The following GRM4 variants were observed in gnomAD, a reference collection of about 807,000 sequenced individuals.
The protein encoded by GRM4 is glutamate metabotropic receptor 4.
In GRM4, 28 loss-of-function variants were observed where a neutral mutation model predicts 81.7. That is an observed-to-expected ratio of 0.34 (90% confidence interval 0.25 to 0.47). The LOEUF is 0.47. Ranked by LOEUF, GRM4 falls within the 20% of genes least tolerant of loss-of-function variation. The pLI, the probability that GRM4 is intolerant of heterozygous loss-of-function variation, is 1.00. For synonymous variants in GRM4, 488 were observed against 528.8 expected (o/e 0.92, Z 1.06); for missense variants, 948 against 1,290.0 (o/e 0.73, Z 4.06).
chr6:34,110,187 G>A (rs1246033763), intron 2 of GRM4, among the ~76,000 whole-genome samples: 1 of 151,966 alleles, frequency 6.6e-6, no homozygotes, highest in African/African-American at 2.4e-5. Flanking sequence ...CCAGCTACTC[G>A]GGAAGCTGAG....
chr6:34,044,511 C>CACAG (rs1260477059), intron 6 of GRM4, among the ~76,000 whole-genome samples: 1 of 151,214 alleles, frequency 6.6e-6, no homozygotes, highest in Admixed American at 6.6e-5. Context: ...CACATACACA[C>CACAG]ACAGACATAC....
At chr6:34,040,777 C>T (rs758226279) in intron 6 of GRM4, 29 bp from the exon 7 acceptor site, 4 of 1,575,522 alleles carry the variant, frequency 2.5e-6, no homozygotes, top group Non-Finnish European at 3.5e-6. Flanking sequence ...AACAGGGACA[C>T]TCGTGAGGCC....
chr6:34,102,620 CA>C (rs1768901631), intron 2 of GRM4, among the ~76,000 whole-genome samples: 1 of 152,220 alleles, frequency 6.6e-6, no homozygotes, highest in Non-Finnish European at 1.5e-5. Flanking sequence ...ATTTTCTGCA[CA>C]ATGATCACCT....
intron 8 of GRM4, among the ~76,000 whole-genome samples, chr6:34,038,031 C>A (rs2499672): frequency 0.37 from 56,382 of 152,120 alleles, 13,936 homozygotes; most frequent in African/African-American, 0.71. Context: ...GGACAAGTGC[C>A]ACCTGTCCTG....
chr6:34,057,037 T>C (rs1315704510), intron 5 of GRM4, among the ~76,000 whole-genome samples: 2 of 152,090 alleles, frequency 1.3e-5, no homozygotes, highest in Non-Finnish European at 2.9e-5. Flanking sequence ...CTGGTGGGGC[T>C]GCCCAACCCG....
intron 3 of GRM4, among the ~76,000 whole-genome samples, chr6:34,079,522 A>G (rs1767476323): frequency 6.7e-6 from 1 of 150,146 alleles, no homozygotes; most frequent in South Asian, 2.1e-4. Context: ...ATAAACATGT[A>G]TATAGCTAAA....
rs1032693649 is a variant in GRM4, at chr6:34,042,918, G to T, written c.1169-2170C>A. ...GGGATGGGGGATAGCTGGCCTGGTC[G>T]CTCATTAACCCTGCCAGCCAGAACC... On this transcript the variant is annotated intron_variant, in intron 6 of 10. Coordinates refer to ENST00000538487, the MANE Select transcript of GRM4 (RefSeq NM_000841.4). This position sits in a 1 kb window ranked among gnomAD's most constrained non-coding sequence, Gnocchi z 4.2. Among the ~76,000 whole-genome samples the T allele has an allele frequency of 2.0e-5, 3 of 152,162 alleles. No individual in the cohort carries two copies. In the East Asian group the frequency reaches 5.8e-4, roughly 29 times the overall value.
intron 2 of GRM4, among the ~76,000 whole-genome samples, chr6:34,119,710 C>T (rs565099350): frequency 6.6e-6 from 1 of 152,346 alleles, no homozygotes; most frequent in African/African-American, 2.4e-5. Flanking sequence ...ACCTAATGTC[C>T]ATCATGAGGA....
chr6:34,152,548 G>A lies in GRM4; in HGVS notation c.312+2531C>T, dbSNP rs186650775. ...CCCCTTGTCCTCCTCCTCCTCTTCAGCTTTCTCCCTCTCTTCCTGTACCCA... is the reference window on the plus strand; with the variant it reads ...CCCCTTGTCCTCCTCCTCCTCTTCAACTTTCTCCCTCTCTTCCTGTACCCA... On this transcript the variant is annotated intron_variant, in intron 1 of 8. Coordinates refer to the GRM4 transcript ENST00000374177. This position sits in a 1 kb window ranked among gnomAD's most constrained non-coding sequence, Gnocchi z 4.1. 1.3e-5 allele frequency among the ~76,000 whole-genome samples: 2 copies of A among 152,128 alleles called. No homozygotes were observed. The highest frequency in any genetic ancestry group is 1.3e-4 in the Admixed American group (2 of 15,272).
rs573046352 is a variant in GRM4, at chr6:34,142,712, GCT to G, written c.-364+3286_-364+3287del. Among the ~76,000 whole-genome samples, 372 of 152,334 alleles carry G rather than the reference GCT, an allele frequency of 2.4e-3. 1 individual carries two copies. The highest frequency in any genetic ancestry group is 4.7e-3 in the Non-Finnish European group (320 of 68,022). On this transcript the variant is annotated intron_variant, in intron 1 of 10. Coordinates refer to ENST00000538487, the MANE Select transcript of GRM4 (RefSeq NM_000841.4). ...GTTTCACTCGATCGCTCACCCGCTC[GCT>G]CTCTCACCTACCTCGGGCTGCCTGC...
chr6:34,061,803 G>T, intron 4 of GRM4, 90 bp downstream of exon 4: 1 of 1,401,544 alleles, frequency 7.1e-7, no homozygotes, highest in Non-Finnish European at 9.9e-7. Flanking sequence ...GGTCAGGCTC[G>T]CCTGGGAAGG....
chr6:34,063,113 C>A (rs1766268808), intron 3 of GRM4: 1 of 152,310 alleles, frequency 6.6e-6, no homozygotes, highest in African/African-American at 2.4e-5. Context: ...CCTCTGGGTC[C>A]CACTCAACTC....
At chr6:34,146,762 T>C (rs1770942979), upstream of GRM4, among the ~76,000 whole-genome samples, 1 of 152,172 alleles carries the variant, frequency 6.6e-6, no homozygotes. Flanking sequence ...AAGTGCTACC[T>C]TGTGCTTGAC....
In GRM4 at chr6:34,019,193, A is replaced by G. The variant is rs1039808451; in HGVS notation, c.*3628T>C. The G allele has an allele frequency of 6.6e-6, 1 of 152,350 alleles. No homozygotes were observed. The allele number at this position is 152,350 out of a possible 1,614,324, so 9.4% of individuals were successfully genotyped here. ...GAAGTAAGGATGGGAGGGGCAGACCATAAGACATTAGAGCTCAGAACAGCC... is the reference window on the plus strand; with the variant it reads ...GAAGTAAGGATGGGAGGGGCAGACCGTAAGACATTAGAGCTCAGAACAGCC... On this transcript the variant is annotated 3_prime_UTR_variant, in exon 11 of 11. Coordinates refer to ENST00000538487, the MANE Select transcript of GRM4 (RefSeq NM_000841.4).
At chr6:34,140,100 G>C (rs958054523) in intron 1 of GRM4, among the ~76,000 whole-genome samples, 1 of 152,254 alleles carries the variant, frequency 6.6e-6, no homozygotes, top group Non-Finnish European at 1.5e-5. Flanking sequence ...GAATGACCCA[G>C]AAGGGCTTTT....
At chr6:34,099,623 G>A (rs952421577) in intron 2 of GRM4, among the ~76,000 whole-genome samples, 11 of 152,154 alleles carry the variant, frequency 7.2e-5, no homozygotes, top group Non-Finnish European at 1.3e-4. Context: ...GATGCGCACC[G>A]CTGGGTTCAG....
chr6:34,140,543 A>G (rs1770636890), intron 1 of GRM4, among the ~76,000 whole-genome samples: 1 of 151,912 alleles, frequency 6.6e-6, no homozygotes, highest in Non-Finnish European at 1.5e-5. Flanking sequence ...AGCACATCTC[A>G]TCAGCCCTTG....
intron 1 of GRM4, among the ~76,000 whole-genome samples, chr6:34,137,652 C>T (rs565586834): frequency 2.0e-3 from 298 of 151,856 alleles, no homozygotes; most frequent in Non-Finnish European, 3.3e-3. Flanking sequence ...GGTGCAATCA[C>T]GACTCACTGC....
chr6:34,026,117 T>C (rs1477853937), intron 10 of GRM4, among the ~76,000 whole-genome samples: 1 of 152,230 alleles, frequency 6.6e-6, no homozygotes, highest in Non-Finnish European at 1.5e-5. Flanking sequence ...ACCCCTTGTC[T>C]CCGCACCCAA....
Sources: allele counts gnomAD v4.1 joint callset (sites outside exome capture counted in the v4.1 genomes callset), GRCh38; gene constraint gnomAD v4.1.1; non-coding constraint Gnocchi (gnomAD v3.1); transcripts MANE v1.5; gene names NCBI Gene and HGNC (gene_info 2026-07-23, HGNC 2026-07-21).